Variants in TRIM42 observed in about 807,000 individuals in gnomAD.
TRIM42 encodes tripartite motif-containing protein 42.
In TRIM42, 59 loss-of-function variants were observed where a neutral mutation model predicts 64.9. The ratio of observed to expected loss-of-function variants is 0.91; its 90% confidence interval spans 0.74 to 1.13. The LOEUF (loss-of-function observed/expected upper bound fraction) is 1.13, where lower values mean the gene tolerates loss of function less well. TRIM42 is among the 50% of genes most tolerant of loss of function. The probability of loss-of-function intolerance (pLI) is 0.00; values close to 1 mark genes in which losing one functional copy is unlikely to be tolerated. For synonymous variants in TRIM42, 354 were observed against 346.3 expected (o/e 1.02, Z -0.25); for missense variants, 878 against 929.5 (o/e 0.94, Z 0.72).
In TRIM42 at chr3:140,678,556, G is replaced by A; in HGVS notation, c.327G>A (p.Arg109=). The stretch of plus-strand genomic sequence containing the variant: ...TCACTTTCCACAAGGGCCGCCTCAG[G>A]AGCATCCATACCTCGTAAGTGCCAG... ...TIITFHKGRL[R]SIHTSSKTAL... Residue 109 remains arginine (R), a synonymous_variant, in exon 1 of 5, where the codon AGG becomes AGA. Coordinates refer to ENST00000286349, the MANE Select transcript of TRIM42 (RefSeq NM_152616.5). The A allele has an allele frequency of 1.2e-6, 2 of 1,613,420 alleles. No individual in the cohort carries two copies. Among genetic ancestry groups the A allele is most frequent in the Non-Finnish European group, 8.5e-7 (1 of 1,179,606 alleles).
chr3:140,678,483 A>G lies in TRIM42; in HGVS notation c.254A>G (p.Asn85Ser), dbSNP rs747302256. The change falls in exon 1 of 5, where the codon AAT becomes AGT. Residue 85 changes from asparagine to serine, a missense_variant. Asn to Ser is a conservative substitution (Grantham distance 46, BLOSUM62 1). Coordinates refer to ENST00000286349, the MANE Select transcript of TRIM42 (RefSeq NM_152616.5). The part of the protein sequence containing the change: ...NCKCCCTASS[N>S]LNCYYYESRC... ...AAGTGCTGCTGCACAGCCAGCAGCA[A>G]TCTCAACTGCTACTACTATGAGAGC... The G allele has an allele frequency of 3.7e-6, 6 of 1,614,026 alleles. No individual in the cohort carries two copies. Among genetic ancestry groups the G allele is most frequent in the Non-Finnish European group, 4.2e-6 (5 of 1,180,030 alleles).
At position 140,682,707 on chromosome 3, in the gene TRIM42, G is replaced by C; in HGVS notation, c.587G>C (p.Cys196Ser). 6.2e-7 allele frequency: 1 copy of C among 1,612,562 alleles called. No homozygotes were observed. The highest frequency in any genetic ancestry group is 8.5e-7 in the Non-Finnish European group (1 of 1,180,014). ...TGCCCAGTGTGCGACCGCTCGCACT[G>C]CATGCCCTACAGCAACAAGATGCAG... ...LICPVCDRSH[C>S]MPYSNKMQLP... The change falls in exon 2 of 5, where the codon TGC (cysteine) becomes TCC (serine). Residue 196 changes from cysteine to serine, a missense_variant. Coordinates refer to ENST00000286349, the MANE Select transcript of TRIM42 (RefSeq NM_152616.5).
intron 4 of TRIM42, among the ~76,000 whole-genome samples, chr3:140,691,961 T>C (rs1988725597): frequency 1.6e-5 from 2 of 122,678 alleles, no homozygotes; most frequent in Non-Finnish European, 3.6e-5. Flanking sequence ...TAATCAGGAA[T>C]TCTTTAGAAG....
At chr3:140,699,965 T>C (rs890138653) in intron 4 of TRIM42, among the ~76,000 whole-genome samples, 6 of 152,226 alleles carry the variant, frequency 3.9e-5, no homozygotes, top group Non-Finnish European at 8.8e-5. Context: ...ATAGAGACTT[T>C]GTGCCCTGTA....
chr3:140,690,011 T>C (rs926706644), intron 3 of TRIM42, among the ~76,000 whole-genome samples: 3 of 151,996 alleles, frequency 2.0e-5, no homozygotes, highest in Admixed American at 2.0e-4. Context: ...GCAAAACAAC[T>C]CAGTCAAGTC....
In TRIM42 at chr3:140,678,247, C is replaced by G. The variant is rs574516230; in HGVS notation, c.18C>G (p.Cys6Trp). METAM[C>W]VCCPCCTWQR... ...TAGGCACCATGGAAACTGCTATGTGCGTTTGCTGTCCATGTTGTACATGGC... is the reference window on the plus strand; with the variant it reads ...TAGGCACCATGGAAACTGCTATGTGGGTTTGCTGTCCATGTTGTACATGGC... Residue 6 changes from cysteine (C) to tryptophan (W), a missense_variant, in exon 1 of 5, where the codon TGC becomes TGG. Cys to Trp is a radical substitution (Grantham distance 215). Transcript: ENST00000286349. 5 of 1,613,942 alleles carry G rather than the reference C, an allele frequency of 3.1e-6. No homozygotes were observed. The South Asian group carries it at 5.5e-5, about 18-fold the overall frequency.
chr3:140,679,100 G>A (rs1425474703), intron 1 of TRIM42, among the ~76,000 whole-genome samples: 1 of 151,534 alleles, frequency 6.6e-6, no homozygotes, highest in Non-Finnish European at 1.5e-5. Flanking sequence ...TATGTGCTTT[G>A]TAATCTGTAT....
Position 140,688,244 on chromosome 3 carries a change from C to G in TRIM42, c.1562C>G (p.Thr521Ser). ...GAAACAATGATTGCCAGGAAGGTCA[C>G]TTTCAGCACCCACAGCCTCGGCAAC... ...HSETMIARKV[T>S]FSTHSLGNQH... Residue 521 changes from threonine (T) to serine (S), a missense_variant, in exon 3 of 5, where the codon ACT becomes AGT. Physicochemically the swap from Thr to Ser is moderately conservative, Grantham distance 58. Coordinates refer to ENST00000286349, the MANE Select transcript of TRIM42 (RefSeq NM_152616.5). 1.9e-6 allele frequency: 3 copies of G among 1,614,232 alleles called. No homozygotes were observed. Among genetic ancestry groups the G allele is most frequent in the South Asian group, 2.2e-5 (2 of 91,084 alleles).
intron 1 of TRIM42, among the ~76,000 whole-genome samples, chr3:140,678,777 A>G (rs1291755998): frequency 6.6e-6 from 1 of 152,178 alleles, no homozygotes; most frequent in Admixed American, 6.5e-5. Flanking sequence ...AAGCGCCATT[A>G]ACTATGTAAA....
At chr3:140,692,590 G>GAGAGAT (rs1401997544) in intron 4 of TRIM42, among the ~76,000 whole-genome samples, 3 of 146,562 alleles carry the variant, frequency 2.0e-5, no homozygotes, top group African/African-American at 5.0e-5. Flanking sequence ...GAGAGAGAGA[G>GAGAGAT]AGGTCAAACC....
intron 4 of TRIM42, among the ~76,000 whole-genome samples, chr3:140,692,562 C>CACACACACAAACACACACACAGAG (rs375439126): frequency 8.8e-6 from 1 of 114,118 alleles, no homozygotes; most frequent in African/African-American, 2.9e-5. Flanking sequence ...CACACACACA[C>CACACACACAAACACACACACAGAG]AGAGAGAGAT....
chr3:140,689,281 T>A (rs566825064), intron 3 of TRIM42, among the ~76,000 whole-genome samples: 4 of 152,342 alleles, frequency 2.6e-5, no homozygotes, highest in Admixed American at 2.6e-4. Context: ...AGGAAAAAAA[T>A]TAACATGCAA....
intron 4 of TRIM42, among the ~76,000 whole-genome samples, chr3:140,697,481 A>G (rs1382834533): frequency 6.6e-6 from 1 of 152,154 alleles, no homozygotes; most frequent in East Asian, 1.9e-4. Context: ...CACCTTTCAA[A>G]TTTAGCTCTT....
Position 140,678,368 on chromosome 3 carries a change from G to A in TRIM42, c.139G>A (p.Glu47Lys). 4.3e-6 allele frequency: 7 copies of A among 1,614,146 alleles called. No individual in the cohort carries two copies. The highest frequency in any genetic ancestry group is 5.9e-6 in the Non-Finnish European group (7 of 1,180,028). ...CTGCTTCCCCTGCCCTTACAAAGATGAGCGGAACTGCCAGTTCTGCCACTG... is the reference window on the plus strand; with the variant it reads ...CTGCTTCCCCTGCCCTTACAAAGATAAGCGGAACTGCCAGTTCTGCCACTG... ...CTCFPCPYKDERNCQFCHCTC... is the reference protein window; with the variant it reads ...CTCFPCPYKDKRNCQFCHCTC... Residue 47 changes from glutamate to lysine, a missense_variant, in exon 1 of 5, where the codon GAG becomes AAG. Transcript: ENST00000286349.
At chr3:140,697,807 C>T (rs970877784) in intron 4 of TRIM42, among the ~76,000 whole-genome samples, 7 of 152,208 alleles carry the variant, frequency 4.6e-5, no homozygotes, top group Admixed American at 1.3e-4. Flanking sequence ...CCTCAGCCTC[C>T]CTAGTAGCTG....
chr3:140,681,134 C>G (rs1284742786), intron 1 of TRIM42, among the ~76,000 whole-genome samples: 1 of 152,178 alleles, frequency 6.6e-6, no homozygotes, highest in East Asian at 1.9e-4. Context: ...CGCCATAGCT[C>G]TTACGATTAA....
At chr3:140,681,967 C>G (rs186171111) in intron 1 of TRIM42, among the ~76,000 whole-genome samples, 54 of 151,170 alleles carry the variant, frequency 3.6e-4, no homozygotes, top group African/African-American at 1.3e-3. Flanking sequence ...ACGTTCTTGT[C>G]GGAGTCCAAA....
chr3:140,690,876 C>A, intron 3 of TRIM42, 92 bp from the exon 4 acceptor site: 4 of 1,071,500 alleles, frequency 3.7e-6, no homozygotes, highest in Middle Eastern at 2.5e-4. Context: ...CTTAAACTCA[C>A]CCCACAGATA....
chr3:140,679,054 A>AC (rs61681806), intron 1 of TRIM42, among the ~76,000 whole-genome samples: 20,725 of 150,834 alleles, frequency 0.14, 1,468 homozygotes, highest in East Asian at 0.17. Flanking sequence ...CGGAGACAAT[A>AC]CCCCCCCCAT....
Sources: gnomAD v4.1 joint callset for allele counts (sites outside exome capture counted in the v4.1 genomes callset) on GRCh38, gnomAD v4.1.1 for gene constraint, MANE v1.5 for transcripts, NCBI Gene and HGNC (gene_info 2026-07-23, HGNC 2026-07-21) for gene names.